CPOX: variants seen among roughly 807,000 people sequenced by gnomAD.
The protein encoded by CPOX is oxygen-dependent coproporphyrinogen-III oxidase, mitochondrial.
In CPOX, 24 loss-of-function variants were observed where a neutral mutation model predicts 48.9. That is an observed-to-expected ratio of 0.49 (90% confidence interval 0.36 to 0.69). The LOEUF (loss-of-function observed/expected upper bound fraction) is 0.69, where lower values mean the gene tolerates loss of function less well. Among genes scored for constraint, CPOX ranks in the 30% least tolerant of loss-of-function variants. CPOX has a pLI of 0.00. For synonymous variants in CPOX, 249 were observed against 234.6 expected (o/e 1.06, Z -0.56); for missense variants, 549 against 597.3 (o/e 0.92, Z 0.84).
the CPOX span, among the ~76,000 whole-genome samples, chr3:98,571,275 CCTG>C: frequency 6.6e-6 from 1 of 152,130 alleles, no homozygotes; most frequent in South Asian, 2.1e-4. Context: ...CTTGTTTCTG[CCTG>C]CTAATTTCTC....
chr3:98,570,831 T>A, the CPOX span, among the ~76,000 whole-genome samples: 1 of 152,240 alleles, frequency 6.6e-6, no homozygotes, highest in Non-Finnish European at 1.5e-5. Flanking sequence ...TCAGTTCCAT[T>A]CTCCATTCAC....
chr3:98,571,568 G>C, the CPOX span, among the ~76,000 whole-genome samples: 1 of 149,688 alleles, frequency 6.7e-6, no homozygotes, highest in African/African-American at 2.4e-5. Flanking sequence ...GGCGCCTGTA[G>C]TCCCAGCTAC....
intron 2 of CPOX, 35 bp downstream of exon 2, chr3:98,590,977 G>A (rs1316962368): frequency 1.9e-6 from 3 of 1,611,094 alleles, no homozygotes; most frequent in Non-Finnish European, 2.5e-6. Context: ...AGGTTTGCAG[G>A]GACTATTAGA....
At chr3:98,571,875 T>C in the CPOX span, among the ~76,000 whole-genome samples, 1 of 152,020 alleles carries the variant, frequency 6.6e-6, no homozygotes, top group Non-Finnish European at 1.5e-5. Flanking sequence ...GAGTTTTTAG[T>C]TTTTTATTTG....
At chr3:98,589,609 C>A (rs1707438965) in intron 3 of CPOX, 1 of 152,330 alleles carries the variant, frequency 6.6e-6, no homozygotes, top group Admixed American at 6.5e-5. Flanking sequence ...AGAACCATTG[C>A]CAACCCCTCC....
At chr3:98,585,399 C>T (rs1174453649) in intron 5 of CPOX, 42 bp downstream of exon 5, 11 of 1,509,474 alleles carry the variant, frequency 7.3e-6, no homozygotes, top group Non-Finnish European at 1.0e-5. Context: ...TGCTCCACCT[C>T]CCCCACTTAG....
intron 4 of CPOX, 94 bp downstream of exon 4, chr3:98,588,619 A>G: frequency 2.2e-6 from 3 of 1,335,428 alleles, no homozygotes; most frequent in Non-Finnish European, 3.2e-6. Context: ...TTCCATTTTC[A>G]TAAGCAGAAG....
the CPOX span, among the ~76,000 whole-genome samples, chr3:98,574,252 C>G: frequency 6.6e-6 from 1 of 152,146 alleles, no homozygotes; most frequent in African/African-American, 2.4e-5. Flanking sequence ...GACATATAAA[C>G]AGCAACCATT....
Position 98,580,589 on chromosome 3 carries a change from G to T in CPOX, c.*94C>A. The T allele has an allele frequency of 6.3e-7, 1 of 1,596,024 alleles. No homozygotes were observed. The highest frequency in any genetic ancestry group is 2.3e-5 in the East Asian group (1 of 44,352). Reference sequence around the variant, plus strand: ...TGCAGAGTGGAGAAGACTAAGGCACGGGTAACTGCCACACAGTGGCAAAGT... The same window carrying T: ...TGCAGAGTGGAGAAGACTAAGGCACTGGTAACTGCCACACAGTGGCAAAGT... On this transcript the variant is annotated 3_prime_UTR_variant, in exon 7 of 7. Transcript: ENST00000647941.
chr3:98,585,764 G>C (rs1310037290), intron 4 of CPOX, 105 bp from the exon 5 acceptor site: 1 of 890,358 alleles, frequency 1.1e-6, no homozygotes, highest in African/African-American at 1.7e-5. Context: ...CTAATGTCAG[G>C]ATGGTGTCCT....
intron 4 of CPOX, among the ~76,000 whole-genome samples, chr3:98,588,156 T>A (rs559234374): frequency 1.3e-4 from 20 of 152,070 alleles, no homozygotes; most frequent in African/African-American, 4.6e-4. Flanking sequence ...TTGAGTACTT[T>A]ACTCATATTC....
At chr3:98,591,754 G>T (rs1420793570) in intron 1 of CPOX, among the ~76,000 whole-genome samples, 2 of 152,072 alleles carry the variant, frequency 1.3e-5, no homozygotes, top group Non-Finnish European at 1.5e-5. Flanking sequence ...GAAAGTTCAT[G>T]TTTGGCTTGT....
downstream of CPOX, among the ~76,000 whole-genome samples, chr3:98,579,103 A>G (rs1358649790): frequency 2.6e-5 from 4 of 152,250 alleles, no homozygotes; most frequent in African/African-American, 9.6e-5. Context: ...ATGAGGATGA[A>G]GACCTTTACG....
intron 4 of CPOX, among the ~76,000 whole-genome samples, chr3:98,588,126 C>T (rs192940186): frequency 6.6e-6 from 1 of 152,184 alleles, no homozygotes; most frequent in African/African-American, 2.4e-5. Flanking sequence ...TTCAAGAATG[C>T]CAATTGGCTC....
chr3:98,579,248 T>A (rs1707206416), downstream of CPOX, among the ~76,000 whole-genome samples: 1 of 152,230 alleles, frequency 6.6e-6, no homozygotes. Context: ...TTGACTATGT[T>A]ATTGGTCAGG....
In CPOX at chr3:98,593,167, A is replaced by G. The variant is rs772162112; in HGVS notation, c.338T>C (p.Leu113Pro). ...PKTSGTRATSLGRPEEEEDEL... is the reference protein window; with the variant it reads ...PKTSGTRATSPGRPEEEEDEL... ...ATCCTCCTCCTCCTCCGGCCTCCCC[A>G]GCGAAGTGGCCCGCGTCCCCGAGGT... The change falls in exon 1 of 7, where the codon CTG becomes CCG. Residue 113 changes from leucine to proline, a missense_variant. Around this residue, in one of 2 missense-constraint regions of CPOX, gnomAD observed 336 missense variants for 318.1 expected, o/e 1.06. Coordinates refer to ENST00000647941, the MANE Select transcript of CPOX (RefSeq NM_000097.7). 5 of 1,610,716 alleles carry G rather than the reference A, an allele frequency of 3.1e-6. 1 individual carries two copies. In the South Asian group the frequency reaches 5.5e-5, roughly 18 times the overall value.
downstream of CPOX, chr3:98,578,372 G>C (rs1707192657): frequency 4.0e-6 from 1 of 249,924 alleles, no homozygotes; most frequent in South Asian, 1.5e-4. Context: ...TCACTATGTA[G>C]TGATTTTCTA....
chr3:98,571,193 CTT>C, the CPOX span, among the ~76,000 whole-genome samples: 2 of 152,070 alleles, frequency 1.3e-5, no homozygotes, highest in African/African-American at 4.8e-5. Flanking sequence ...AATTCTTTCT[CTT>C]GTCTAAACTT....
rs918989858 is a variant in CPOX, at chr3:98,580,186, G to A, written c.*497C>T. ...ATGTTCTCTGGAGAAAGATATATAA[G>A]GATTACAGCAGAGACTTCAGTATTG... On this transcript the variant is annotated 3_prime_UTR_variant, in exon 7 of 7. Transcript: ENST00000647941. 3.4e-5 allele frequency: 34 copies of A among 986,868 alleles called. No individual in the cohort carries two copies. The African/African-American group carries it at 5.8e-4, about 17-fold the overall frequency. The allele number at this position is 986,868 out of a possible 1,614,324, so 61.1% of individuals were successfully genotyped here. A position where few individuals can be genotyped will look rare whatever the true frequency, so the allele number is the denominator to read the frequency against.
Sources: gnomAD v4.1 joint callset for allele counts (sites outside exome capture counted in the v4.1 genomes callset) on GRCh38, gnomAD v4.1.1 for gene constraint, gnomAD v4.1.1 regional missense constraint, MANE v1.5 for transcripts, NCBI Gene and HGNC (gene_info 2026-07-23, HGNC 2026-07-21) for gene names.